The following STXBP5L variants were observed in gnomAD, a reference collection of about 807,000 sequenced individuals.
The protein encoded by STXBP5L is syntaxin binding protein 5L.
In STXBP5L, 65 loss-of-function variants were observed where a neutral mutation model predicts 144.5. The observed-to-expected ratio is 0.45, with a 90% CI of 0.37 to 0.55. The LOEUF (loss-of-function observed/expected upper bound fraction) is 0.55. Ranked by LOEUF, STXBP5L falls within the 20% of genes least tolerant of loss-of-function variation. STXBP5L has a pLI of 0.00. For missense variants in STXBP5L, 1,298 were observed against 1,405.5 expected (o/e 0.92, Z 1.22); for synonymous variants, 505 against 469.6 (o/e 1.08, Z -0.97).
intron 19 of STXBP5L, among the ~76,000 whole-genome samples, chr3:121,299,031 C>A (rs1294011380): frequency 6.6e-6 from 1 of 152,108 alleles, no homozygotes; most frequent in Non-Finnish European, 1.5e-5. Context: ...ATCACCAACA[C>A]AACAGCATAT....
Position 121,419,207 on chromosome 3 carries a change from A to G in STXBP5L, c.*110A>G. The stretch of plus-strand genomic sequence containing the variant: ...GCCAGTTTCTTCTACAAAATGTTCC[A>G]TTTACAGTCAATCTGAAATTTTCAT... On this transcript the variant is annotated 3_prime_UTR_variant, in exon 27 of 27. Transcript: ENST00000471454. 1 of 1,057,198 alleles carries G rather than the reference A, an allele frequency of 9.5e-7. No individual in the cohort carries two copies. Among genetic ancestry groups the G allele is most frequent in the Non-Finnish European group, 1.4e-6 (1 of 732,446 alleles). 65.5% of individuals were successfully genotyped at this position (1,057,198 alleles called of 1,614,324 possible). A position where few individuals can be genotyped will look rare whatever the true frequency, so the allele number is the denominator to read the frequency against.
At chr3:120,969,617 T>G (rs1261445719) in intron 3 of STXBP5L, among the ~76,000 whole-genome samples, 1 of 151,998 alleles carries the variant, frequency 6.6e-6, no homozygotes, top group Non-Finnish European at 1.5e-5. Flanking sequence ...AATTCTTGCC[T>G]AAGTCAATGT....
intron 3 of STXBP5L, among the ~76,000 whole-genome samples, chr3:121,018,232 G>T (rs1349654315): frequency 6.6e-6 from 1 of 152,148 alleles, no homozygotes; most frequent in Non-Finnish European, 1.5e-5. Flanking sequence ...TGATTCCAAA[G>T]TGTATATGGA....
chr3:121,034,317 C>G (rs1946599452), intron 3 of STXBP5L, among the ~76,000 whole-genome samples: 2 of 152,004 alleles, frequency 1.3e-5, no homozygotes, highest in Non-Finnish European at 2.9e-5. Flanking sequence ...TGTCCAATGT[C>G]TATTATTTCA....
intron 5 of STXBP5L, among the ~76,000 whole-genome samples, chr3:121,059,579 T>C (rs2041157697): frequency 6.6e-6 from 1 of 152,230 alleles, no homozygotes; most frequent in East Asian, 1.9e-4. Context: ...ATGGCCATTT[T>C]CACCATACTG....
chr3:120,974,777 C>A (rs1474185068), intron 3 of STXBP5L, among the ~76,000 whole-genome samples: 1 of 152,102 alleles, frequency 6.6e-6, no homozygotes, highest in African/African-American at 2.4e-5. Context: ...CCAGTTTTCC[C>A]AGCACCATTT....
chr3:121,020,395 T>C (rs1337254234), intron 3 of STXBP5L, among the ~76,000 whole-genome samples: 1 of 152,096 alleles, frequency 6.6e-6, no homozygotes, highest in Admixed American at 6.6e-5. Context: ...GACATCCAAA[T>C]ACGAGAAGCT....
At chr3:121,202,299 C>A (rs1474025406) in intron 9 of STXBP5L, among the ~76,000 whole-genome samples, 1 of 152,194 alleles carries the variant, frequency 6.6e-6, no homozygotes, top group East Asian at 1.9e-4. Flanking sequence ...CAACTGGTAT[C>A]TTTTCCTTGT....
At chr3:121,118,277 G>C (rs2044314589) in intron 6 of STXBP5L, among the ~76,000 whole-genome samples, 2 of 151,698 alleles carry the variant, frequency 1.3e-5, no homozygotes, top group Non-Finnish European at 3.0e-5. Flanking sequence ...ATAGACATGG[G>C]ATCTCAAAGT....
At chr3:121,108,575 G>A (rs544931701) in intron 5 of STXBP5L, among the ~76,000 whole-genome samples, 17 of 152,180 alleles carry the variant, frequency 1.1e-4, no homozygotes, top group Middle Eastern at 3.4e-3. Flanking sequence ...CAGCTTGATC[G>A]TGGTAGATAA....
intron 18 of STXBP5L, among the ~76,000 whole-genome samples, chr3:121,269,668 A>G (rs2050679823): frequency 6.6e-6 from 1 of 152,132 alleles, no homozygotes. Context: ...TGAACTGCCC[A>G]TTTATCTTTA....
chr3:121,091,956 G>C lies in STXBP5L; in HGVS notation c.471-22969G>C, dbSNP rs546626604. ...TCATCTTGAATTAATTTTTGTATAA[G>C]GTGTAAGGAAGGGATCCAGTTTCAG... On this transcript the variant is annotated intron_variant, in intron 5 of 26. Coordinates refer to ENST00000471454, the MANE Select transcript of STXBP5L (RefSeq NM_001308330.2). Among the ~76,000 whole-genome samples, 33 of 152,228 alleles carry C rather than the reference G, an allele frequency of 2.2e-4. No homozygotes were observed. In the South Asian group the frequency reaches 6.0e-3, roughly 28 times the overall value.
chr3:121,275,164 A>C lies in STXBP5L; in HGVS notation c.1959-4641A>C, dbSNP rs528927807. Among the ~76,000 whole-genome samples, 5 of 152,226 alleles carry C rather than the reference A, an allele frequency of 3.3e-5. No homozygotes were observed. The South Asian group carries it at 1.0e-3, about 32-fold the overall frequency. On this transcript the variant is annotated intron_variant, in intron 18 of 26. Transcript: ENST00000471454. ...ATTCCTGTACTTTTAATTAAGTCTT[A>C]AGATTATATAGTCTGTATCCTCAAA...
At chr3:121,136,791 C>A (rs775359973) in intron 7 of STXBP5L, among the ~76,000 whole-genome samples, 1 of 152,142 alleles carries the variant, frequency 6.6e-6, no homozygotes, top group African/African-American at 2.4e-5. Flanking sequence ...ATGTTCATTG[C>A]GGTACTATTC....
intron 19 of STXBP5L, among the ~76,000 whole-genome samples, chr3:121,295,270 A>C (rs1232111868): frequency 1.3e-5 from 2 of 152,146 alleles, no homozygotes; most frequent in Non-Finnish European, 2.9e-5. Context: ...ACTGACATTT[A>C]ATAGGAGGCT....
intron 2 of STXBP5L, among the ~76,000 whole-genome samples, chr3:120,949,706 G>C (rs1285618404): frequency 6.6e-6 from 1 of 151,884 alleles, no homozygotes; most frequent in Non-Finnish European, 1.5e-5. Context: ...TGGTTGCTTT[G>C]TTGAAGGTCA....
chr3:121,037,143 G>C (rs1300500013), intron 3 of STXBP5L, among the ~76,000 whole-genome samples: 3 of 151,796 alleles, frequency 2.0e-5, no homozygotes, highest in Admixed American at 6.6e-5. Flanking sequence ...ATGTTGGCCA[G>C]GCTTGTCTTG....
Position 121,053,485 on chromosome 3 carries a change from A to G in STXBP5L, c.470+7950A>G, listed in dbSNP as rs554113741. 3.3e-5 allele frequency among the ~76,000 whole-genome samples: 5 copies of G among 152,342 alleles called. No homozygotes were observed. The South Asian group carries it at 6.2e-4, about 19-fold the overall frequency. ...TTGCCAAACCTGACAAAAACAAGAA[A>G]TGGGGAAAGGATTCCCTATTTAATA... On this transcript the variant is annotated intron_variant, in intron 5 of 26. Coordinates refer to ENST00000471454, the MANE Select transcript of STXBP5L (RefSeq NM_001308330.2).
chr3:121,078,737 A>T (rs1393575930), intron 5 of STXBP5L, among the ~76,000 whole-genome samples: 1 of 152,234 alleles, frequency 6.6e-6, no homozygotes, highest in Non-Finnish European at 1.5e-5. Flanking sequence ...AATCAAGTGC[A>T]ATGCCAGTGG....
Sources: allele counts gnomAD v4.1 joint callset (sites outside exome capture counted in the v4.1 genomes callset), GRCh38; gene constraint gnomAD v4.1.1; transcripts MANE v1.5; gene names NCBI Gene and HGNC (gene_info 2026-07-23, HGNC 2026-07-21).